GRIN2D: variants seen among roughly 807,000 people sequenced by gnomAD.
GRIN2D encodes the protein glutamate ionotropic receptor NMDA type subunit 2D, also known as glutamate receptor ionotropic, NMDA 2D.
GRIN2D carries 37 observed loss-of-function variants against 103.2 expected under a neutral mutation model. That is an observed-to-expected ratio of 0.36 (90% CI 0.28 to 0.47). The LOEUF (loss-of-function observed/expected upper bound fraction) is 0.47. Ranked by LOEUF, GRIN2D falls within the 20% of genes least tolerant of loss-of-function variation. The pLI, the probability that GRIN2D is intolerant of heterozygous loss-of-function variation, is 1.00. For missense variants in GRIN2D, 1,557 were observed against 1,910.6 expected, an observed-to-expected ratio of 0.81 and a Z score of 3.45; for synonymous variants, 845 against 885.6, an observed-to-expected ratio of 0.95 and a Z score of 0.81.
At position 48,441,857 on chromosome 19, in the gene GRIN2D, G is replaced by A. The variant is rs1971296300; in HGVS notation, c.2341G>A (p.Gly781Ser). ...EGCKLVTIGS[G>S]KVFATTGYGI... ...CTGCAAGCTTGTCACCATCGGCTCC[G>A]GCAAGGTCTTCGCCACGACAGGCTA... Residue 781 changes from glycine (G) to serine (S), a missense_variant, in exon 12 of 14, where the codon GGC becomes AGC. Gly to Ser is a moderately conservative substitution (Grantham distance 56, BLOSUM62 0). Transcript: ENST00000263269. 6.2e-7 allele frequency: 1 copy of A among 1,613,916 alleles called. No individual in the cohort carries two copies. Among genetic ancestry groups the A allele is most frequent in the Non-Finnish European group, 8.5e-7 (1 of 1,180,026 alleles).
intron 11 of GRIN2D, among the ~76,000 whole-genome samples, chr19:48,434,262 ATTT>A (rs1971199628): frequency 2.3e-5 from 3 of 129,794 alleles, no homozygotes; most frequent in African/African-American, 8.8e-5. Flanking sequence ...CGCTTCTTCT[ATTT>A]TCTTTTGAGA....
intron 4 of GRIN2D, among the ~76,000 whole-genome samples, chr19:48,407,108 G>C (rs1970802397): frequency 6.6e-6 from 1 of 151,690 alleles, no homozygotes; most frequent in African/African-American, 2.4e-5. Flanking sequence ...CTCCTGAGTA[G>C]CTGGGGTTAC....
At chr19:48,412,416 GAAAGA>G (rs1199447539) in intron 4 of GRIN2D, among the ~76,000 whole-genome samples, 2 of 109,904 alleles carry the variant, frequency 1.8e-5, no homozygotes, top group African/African-American at 6.9e-5. Flanking sequence ...GAAAGAAAGA[GAAAGA>G]AAAGAAAGAA....
At position 48,415,031 on chromosome 19, in the gene GRIN2D, A is replaced by C; in HGVS notation, c.1580A>C (p.Glu527Ala). ...GGCGTCTGGAACGGCATGATCGGGG[A>C]GGTGAGGGGGCGGACGGGAGGCGGG... ...IDGVWNGMIG[E>A]VFYQRADMAI... Residue 527 changes from glutamate (E) to alanine (A), a missense_variant and splice_region_variant, in exon 7 of 14, where the codon GAG becomes GCG. Around this residue, in one of 7 missense-constraint regions of GRIN2D, gnomAD observed 197 missense variants for 334.1 expected, o/e 0.59. Coordinates refer to ENST00000263269, the MANE Select transcript of GRIN2D (RefSeq NM_000836.4). 6.3e-7 allele frequency: 1 copy of C among 1,582,012 alleles called. No individual in the cohort carries two copies. Among genetic ancestry groups the C allele is most frequent in the African/African-American group, 1.3e-5 (1 of 74,162 alleles).
chr19:48,442,113 TA>T lies in GRIN2D; in HGVS notation c.2441-36del, dbSNP rs548048834. ...ATCACAGACAAGGGTCCTCAGAGGGTACTCATAGCAGGTGACTTTTGACCGC... is the reference window on the plus strand; with the variant it reads ...ATCACAGACAAGGGTCCTCAGAGGGTCTCATAGCAGGTGACTTTTGACCGC... On this transcript the variant is annotated intron_variant, in intron 12 of 13. Coordinates refer to ENST00000263269, the MANE Select transcript of GRIN2D (RefSeq NM_000836.4). The surrounding 1 kb of genome is among the most constrained non-coding windows in gnomAD (Gnocchi z 7.2). 28 of 1,583,212 alleles carry T rather than the reference TA, an allele frequency of 1.8e-5. No homozygotes were observed. Among genetic ancestry groups the T allele is most frequent in the Non-Finnish European group, 2.3e-5 (27 of 1,153,190 alleles).
At chr19:48,398,131 CTCTGTCTCTCCT>C (rs1192028012) in intron 2 of GRIN2D, among the ~76,000 whole-genome samples, 1 of 151,494 alleles carries the variant, frequency 6.6e-6, no homozygotes, top group Non-Finnish European at 1.5e-5. Flanking sequence ...CCGTCTCTCC[CTCTGTCTCTCCT>C]CCATTTCTCT....
chr19:48,414,865 C>A lies in GRIN2D; in HGVS notation c.1414C>A (p.Pro472Thr), dbSNP rs1970923406. The A allele has an allele frequency of 6.2e-6, 10 of 1,613,956 alleles. No homozygotes were observed. The East Asian group carries it at 2.2e-4, about 36-fold the overall frequency. The change falls in exon 7 of 14, where the codon CCT (proline) becomes ACT (threonine). Residue 472 changes from proline (P) to threonine (T), a missense_variant and splice_region_variant. Transcript: ENST00000263269. The surrounding 1 kb of genome is among the most constrained non-coding windows in gnomAD (Gnocchi z 4.6). ...CRSQLNRTHS[P>T]PPDAPRPEKR... ...CCCAAGCCTGGTCACTGCCCGCAGC[C>A]CTCCACCGGATGCCCCCCGCCCGGA...
intron 4 of GRIN2D, among the ~76,000 whole-genome samples, chr19:48,406,935 T>C (rs968163441): frequency 6.6e-6 from 1 of 152,040 alleles, no homozygotes; most frequent in African/African-American, 2.4e-5. Flanking sequence ...CTCTTTCAGC[T>C]CTTTCTGGTT....
intron 9 of GRIN2D, 65 bp from the exon 10 acceptor site, chr19:48,419,520 T>C (rs1401742104): frequency 4.9e-6 from 7 of 1,438,306 alleles, no homozygotes; most frequent in African/African-American, 1.4e-5. Flanking sequence ...TCTTTCTTTT[T>C]TTTTTTTTCC....
rs1340279718 is a variant in GRIN2D at position 48,405,017 on chromosome 19, G to C, written c.749G>C (p.Arg250Pro). 6 of 1,612,292 alleles carry C rather than the reference G, an allele frequency of 3.7e-6. No homozygotes were observed. Among genetic ancestry groups the C allele is most frequent in the Admixed American group, 1.7e-5 (1 of 59,956 alleles). ...CAGATCCGCCTGCTCTTCTGCGCCCGAGAGGAGGCCGAGCCCGTGTTCCGC... is the reference window on the plus strand; with the variant it reads ...CAGATCCGCCTGCTCTTCTGCGCCCCAGAGGAGGCCGAGCCCGTGTTCCGC... ...SAQIRLLFCA[R>P]EEAEPVFRAA... Residue 250 changes from arginine (R) to proline (P), a missense_variant, in exon 4 of 14, where the codon CGA becomes CCA. Arg to Pro is a moderately radical substitution (Grantham distance 103). Transcript: ENST00000263269. This position sits in a 1 kb window ranked among gnomAD's most constrained non-coding sequence, Gnocchi z 5.1.
chr19:48,425,790 T>A (rs1003316450), intron 11 of GRIN2D, among the ~76,000 whole-genome samples: 6 of 152,124 alleles, frequency 3.9e-5, no homozygotes, highest in Non-Finnish European at 4.4e-5. Flanking sequence ...ATCTTTTTTT[T>A]ATTGAGATAT....
chr19:48,411,607 C>T (rs928133778), intron 4 of GRIN2D, among the ~76,000 whole-genome samples: 2 of 151,658 alleles, frequency 1.3e-5, no homozygotes, highest in African/African-American at 4.8e-5. Context: ...TGAGATTGCA[C>T]CATTGCACTC....
Position 48,404,871 on chromosome 19 carries a change from G to A in GRIN2D, c.603G>A (p.Leu201=), listed in dbSNP as rs747192073. The A allele has an allele frequency of 2.2e-5, 36 of 1,614,078 alleles. No individual in the cohort carries two copies. Among genetic ancestry groups the A allele is most frequent in the Non-Finnish European group, 2.9e-5 (34 of 1,180,054 alleles). ...TTRAPGHRAF[L]SYIEVLTDGS... The stretch of plus-strand genomic sequence containing the variant: ...GTGCCCCTGGCCACCGGGCCTTCCT[G>A]TCCTACATTGAGGTGCTGACTGACG... Residue 201 remains leucine (L), a synonymous_variant, in exon 4 of 14, where the codon CTG becomes CTA. Coordinates refer to ENST00000263269, the MANE Select transcript of GRIN2D (RefSeq NM_000836.4).
chr19:48,440,754 T>C (rs1971281367), intron 11 of GRIN2D, among the ~76,000 whole-genome samples: 1 of 152,152 alleles, frequency 6.6e-6, no homozygotes, highest in Non-Finnish European at 1.5e-5. Flanking sequence ...TGGCTCGATT[T>C]TGGCTCACAG....
intron 11 of GRIN2D, among the ~76,000 whole-genome samples, chr19:48,436,076 G>A (rs951894700): frequency 2.0e-5 from 3 of 152,290 alleles, no homozygotes; most frequent in South Asian, 2.1e-4. Flanking sequence ...CACGTTGCCC[G>A]CTGCCTAGAC....
Position 48,444,065 on chromosome 19 carries a change from C to T in GRIN2D, c.*128C>T, listed in dbSNP as rs1971349180. On this transcript the variant is annotated 3_prime_UTR_variant, in exon 14 of 14. Coordinates refer to ENST00000263269, the MANE Select transcript of GRIN2D (RefSeq NM_000836.4). The surrounding 1 kb of genome is among the most constrained non-coding windows in gnomAD (Gnocchi z 5.5). Reference sequence around the variant, plus strand: ...GGAACTGGCCGGACCCCGCCTGGAGCAGCGTCCTGCGCCCCCTGGTTCTGG... The same window carrying T: ...GGAACTGGCCGGACCCCGCCTGGAGTAGCGTCCTGCGCCCCCTGGTTCTGG... 7.0e-6 allele frequency: 4 copies of T among 571,690 alleles called. No homozygotes were observed. The highest frequency in any genetic ancestry group is 1.1e-5 in the Non-Finnish European group (4 of 363,598). 35.4% of individuals were successfully genotyped at this position (571,690 alleles called of 1,614,324 possible). A position where few individuals can be genotyped will look rare whatever the true frequency, so the allele number is the denominator to read the frequency against.
rs990895318 is a variant in GRIN2D, at chr19:48,399,830, G to A, written c.465+973G>A. Among the ~76,000 whole-genome samples the A allele has an allele frequency of 5.7e-4, 84 of 146,238 alleles. 1 individual carries two copies. Among genetic ancestry groups the A allele is most frequent in the Admixed American group, 9.7e-4 (14 of 14,414 alleles). On this transcript the variant is annotated intron_variant, in intron 3 of 13. Transcript: ENST00000263269. ...GCAAGGAATTGAGATTTGGTGCGAGGCCAGTCAGGGAAGGAGTGAGTCAGA... is the reference window on the plus strand; with the variant it reads ...GCAAGGAATTGAGATTTGGTGCGAGACCAGTCAGGGAAGGAGTGAGTCAGA...
chr19:48,393,814 C>T lies in GRIN2D; in HGVS notation c.-360C>T, dbSNP rs1474461545. Among the ~76,000 whole-genome samples, 1 of 151,998 alleles carries T rather than the reference C, an allele frequency of 6.6e-6. No homozygotes were observed. The highest frequency in any genetic ancestry group is 1.5e-5 in the Non-Finnish European group (1 of 67,974). ...CCACCGGTGCCTGCTGGGGGTGTTG[C>T]CTGGGTAGGTCGGCCCGGCCCCCAG... On this transcript the variant is annotated 5_prime_UTR_variant, in exon 1 of 14. Coordinates refer to ENST00000263269, the MANE Select transcript of GRIN2D (RefSeq NM_000836.4). The surrounding 1 kb of genome is among the most constrained non-coding windows in gnomAD (Gnocchi z 5.6).
intron 8 of GRIN2D, among the ~76,000 whole-genome samples, chr19:48,417,184 G>A (rs1163055598): frequency 6.6e-6 from 1 of 152,128 alleles, no homozygotes. Flanking sequence ...AGGTTGCAGT[G>A]AGCCAAGATG....
Sources: allele counts gnomAD v4.1 joint callset (sites outside exome capture counted in the v4.1 genomes callset), GRCh38; gene constraint gnomAD v4.1.1; regional missense constraint gnomAD v4.1.1; non-coding constraint Gnocchi (gnomAD v3.1); transcripts MANE v1.5; gene names NCBI Gene and HGNC (gene_info 2026-07-23, HGNC 2026-07-21).